TMEM252: variants seen among roughly 807,000 people sequenced by gnomAD.
TMEM252 encodes transmembrane protein C9orf71.
TMEM252 carries 4 observed loss-of-function variants against 6.4 expected under a neutral mutation model. The ratio of observed to expected loss-of-function variants is 0.62; its 90% CI spans 0.31 to 1.43. The LOEUF (loss-of-function observed/expected upper bound fraction) is 1.43, where lower values mean the gene tolerates loss of function less well. Among genes scored for constraint, TMEM252 ranks in the 40% most tolerant of loss-of-function variants. The probability of loss-of-function intolerance (pLI) is 0.07; values close to 1 mark genes in which losing one functional copy is unlikely to be tolerated. For synonymous variants in TMEM252, 85 were observed against 82.5 expected (o/e 1.03, Z -0.17); for missense variants, 207 against 209.4 (o/e 0.99, Z 0.07).
intron 1 of TMEM252, 65 bp from the exon 2 acceptor site, chr9:68,537,558 G>T: frequency 7.9e-7 from 1 of 1,271,884 alleles, no homozygotes; most frequent in Non-Finnish European, 1.1e-6. Flanking sequence ...GAGGCAGACG[G>T]CTGCCTCTCT....
intron 1 of TMEM252, among the ~76,000 whole-genome samples, chr9:68,538,158 A>T (rs1464099556): frequency 6.6e-6 from 1 of 152,198 alleles, no homozygotes; most frequent in Non-Finnish European, 1.5e-5. Context: ...TCGGGGGCTG[A>T]TGTACTCATT....
chr9:68,537,589 T>A, intron 1 of TMEM252, 96 bp from the exon 2 acceptor site: 1 of 918,304 alleles, frequency 1.1e-6, no homozygotes, highest in African/African-American at 1.7e-5. Flanking sequence ...TGTGCGAAGC[T>A]AAACTGTTAA....
Position 68,537,086 on chromosome 9 carries a change from C to T in TMEM252, c.*173G>A, listed in dbSNP as rs1825148361. On this transcript the variant is annotated 3_prime_UTR_variant, in exon 2 of 2. Coordinates refer to ENST00000377311, the MANE Select transcript of TMEM252 (RefSeq NM_153237.2). ...CACCCTTCCAGGGCCCCTGGCCTGC[C>T]CTGCCCTGGCATGGCCAGTTATGTC... 1.0e-5 allele frequency: 6 copies of T among 598,504 alleles called. No individual in the cohort carries two copies. The South Asian group carries it at 1.4e-4, about 14-fold the overall frequency. The allele number at this position is 598,504 out of a possible 1,614,324, so 37.1% of individuals were successfully genotyped here.
rs1332198858 is a variant in TMEM252 at position 68,537,202 on chromosome 9, A to G, written c.*57T>C. ...CCACAGTCCCTCGTTTGCCTTTATT[A>G]TCAGTAGCTGCTCCCCACAGTGGTG... is the stretch of plus-strand genomic sequence containing the variant. On this transcript the variant is annotated 3_prime_UTR_variant, in exon 2 of 2. Coordinates refer to ENST00000377311, the MANE Select transcript of TMEM252 (RefSeq NM_153237.2). 2 of 1,488,052 alleles carry G rather than the reference A, an allele frequency of 1.3e-6. No individual in the cohort carries two copies. Among genetic ancestry groups the G allele is most frequent in the Non-Finnish European group, 1.8e-6 (2 of 1,088,292 alleles). The allele number at this position is 1,488,052 out of a possible 1,614,324, so 92.2% of individuals were successfully genotyped here. A position where few individuals can be genotyped will look rare whatever the true frequency, so the allele number is the denominator to read the frequency against.
Position 68,537,190 on chromosome 9 carries a change from T to G in TMEM252, c.*69A>C. The G allele has an allele frequency of 1.4e-6, 2 of 1,390,240 alleles. No individual in the cohort carries two copies. Among genetic ancestry groups the G allele is most frequent in the Non-Finnish European group, 2.0e-6 (2 of 1,010,328 alleles). 86.1% of individuals were successfully genotyped at this position (1,390,240 alleles called of 1,614,324 possible). On this transcript the variant is annotated 3_prime_UTR_variant, in exon 2 of 2. Coordinates refer to ENST00000377311, the MANE Select transcript of TMEM252 (RefSeq NM_153237.2). ...TGGCTTTTCCTCCCACAGTCCCTCGTTTGCCTTTATTATCAGTAGCTGCTC... is the reference window on the plus strand; with the variant it reads ...TGGCTTTTCCTCCCACAGTCCCTCGGTTGCCTTTATTATCAGTAGCTGCTC...
In TMEM252 at chr9:68,537,122, G is replaced by T; in HGVS notation, c.*137C>A. The T allele has an allele frequency of 1.3e-6, 1 of 766,864 alleles. No individual in the cohort carries two copies. The highest frequency in any genetic ancestry group is 2.9e-5 in the East Asian group (1 of 34,012). The allele number at this position is 766,864 out of a possible 1,614,324, so 47.5% of individuals were successfully genotyped here. ...ATGGCCAGTTATGTCTGGAATTCAG[G>T]GCTGTCATCCCCTCCCCAAGCTCTC... On this transcript the variant is annotated 3_prime_UTR_variant, in exon 2 of 2. Coordinates refer to ENST00000377311, the MANE Select transcript of TMEM252 (RefSeq NM_153237.2).
At chr9:68,539,374 A>G (rs1189058971) in intron 1 of TMEM252, among the ~76,000 whole-genome samples, 1 of 152,194 alleles carries the variant, frequency 6.6e-6, no homozygotes, top group Non-Finnish European at 1.5e-5. Flanking sequence ...TGTATAGCTC[A>G]GTGGCACTAA....
intron 1 of TMEM252, among the ~76,000 whole-genome samples, chr9:68,538,511 G>C (rs2132128592): frequency 6.6e-6 from 1 of 152,330 alleles, no homozygotes; most frequent in South Asian, 2.1e-4. Flanking sequence ...ACAGAAAGGT[G>C]AGATGTTCCC....
intron 1 of TMEM252, 130 bp downstream of exon 1, chr9:68,540,407 A>T (rs1825189302): frequency 2.3e-6 from 3 of 1,322,720 alleles, no homozygotes; most frequent in Admixed American, 4.9e-5. Context: ...CCTGACAATA[A>T]AGCTTTGGTT....
chr9:68,537,352 G>A lies in TMEM252; in HGVS notation c.420C>T (p.His140=), dbSNP rs145345577. 1 of 1,606,336 alleles carries A rather than the reference G, an allele frequency of 6.2e-7. No homozygotes were observed. Among genetic ancestry groups the A allele is most frequent in the Middle Eastern group, 1.7e-4 (1 of 6,016 alleles). The change falls in exon 2 of 2, where the codon CAC becomes CAT. Residue 140 remains histidine, a synonymous_variant. Coordinates refer to ENST00000377311, the MANE Select transcript of TMEM252 (RefSeq NM_153237.2). The part of the protein sequence containing the change: ...GLEFQDGNDS[H]PEAPPSYRES... ...CTCTATAAGATGGTGGGGCCTCTGG[G>A]TGGGAGTCATTTCCATCCTGGAATT...
rs145227790 is a variant in TMEM252 at position 68,537,454 on chromosome 9, C to T, written c.318G>A (p.Glu106=). The T allele has an allele frequency of 6.2e-6, 10 of 1,603,952 alleles. No homozygotes were observed. In the African/African-American group the frequency reaches 1.4e-4, roughly 22 times the overall value. ...CTGCAGGACAGCTCTGCTTTTCCAC[C>T]TCAAGGCTCTCTTCATAAGCTGGAG... ...FYPPAYEESL[E]VEKQSCPAER... The change falls in exon 2 of 2, where the codon GAG becomes GAA. Residue 106 remains glutamate, a synonymous_variant. Transcript: ENST00000377311.
intron 1 of TMEM252, 134 bp downstream of exon 1, chr9:68,540,403 A>T: frequency 7.7e-7 from 1 of 1,293,470 alleles, no homozygotes; most frequent in Non-Finnish European, 1.1e-6. Context: ...ATTCCCTGAC[A>T]ATAAAGCTTT....
At chr9:68,540,483 A>G (rs1174836575) in intron 1 of TMEM252, 54 bp downstream of exon 1, 3 of 1,602,346 alleles carry the variant, frequency 1.9e-6, no homozygotes, top group African/African-American at 1.3e-5. Context: ...CTCAGATCTT[A>G]CACAACTCAG....
In TMEM252 at chr9:68,540,853, T is replaced by C; in HGVS notation, c.-39A>G. 1 of 1,587,430 alleles carries C rather than the reference T, an allele frequency of 6.3e-7. No homozygotes were observed. Among genetic ancestry groups the C allele is most frequent in the Non-Finnish European group, 8.6e-7 (1 of 1,160,962 alleles). The stretch of plus-strand genomic sequence containing the variant: ...GAACCCAGCACCCTGACCCTGCTGC[T>C]CCTCTGCTTCCCTGCTTGCTCCAAG... On this transcript the variant is annotated 5_prime_UTR_variant, in exon 1 of 2. Transcript: ENST00000377311.
chr9:68,538,688 C>A (rs1488473672), intron 1 of TMEM252, among the ~76,000 whole-genome samples: 3 of 152,168 alleles, frequency 2.0e-5, no homozygotes, highest in Non-Finnish European at 4.4e-5. Context: ...ATTTTGAGTG[C>A]AAATGCTTTG....
At chr9:68,539,802 G>T (rs1308649453) in intron 1 of TMEM252, among the ~76,000 whole-genome samples, 4 of 152,200 alleles carry the variant, frequency 2.6e-5, no homozygotes, top group Admixed American at 6.5e-5. Flanking sequence ...ATGTAGAATT[G>T]CCAGATCAAA....
chr9:68,539,769 G>A (rs534688587), intron 1 of TMEM252, among the ~76,000 whole-genome samples: 1 of 152,184 alleles, frequency 6.6e-6, no homozygotes, highest in Non-Finnish European at 1.5e-5. Context: ...CCTGCTTTCA[G>A]TTCCTTTGTG....
At chr9:68,540,516 C>T (rs1331529239) in intron 1 of TMEM252, 21 bp downstream of exon 1, 5 of 1,610,926 alleles carry the variant, frequency 3.1e-6, no homozygotes, top group East Asian at 2.2e-5. Flanking sequence ...CTTCTTGGTC[C>T]CTCTGCCTGT....
intron 1 of TMEM252, among the ~76,000 whole-genome samples, chr9:68,538,997 T>C (rs1275683622): frequency 6.6e-6 from 1 of 152,198 alleles, no homozygotes; most frequent in Admixed American, 6.5e-5. Flanking sequence ...TAATTTTTAA[T>C]CAAACCCAGA....
Sources: gnomAD v4.1 joint callset for allele counts (sites outside exome capture counted in the v4.1 genomes callset) on GRCh38, gnomAD v4.1.1 for gene constraint, MANE v1.5 for transcripts, NCBI Gene and HGNC (gene_info 2026-07-23, HGNC 2026-07-21) for gene names.